Variants in ZNF536 observed in about 807,000 individuals in gnomAD.
ZNF536 encodes the protein zinc finger protein 536.
Under a neutral mutation model 84.5 loss-of-function variants are expected in ZNF536, and 13 were observed. That is an observed-to-expected ratio of 0.15 (90% confidence interval 0.10 to 0.24). The LOEUF (loss-of-function observed/expected upper bound fraction) is 0.24, where lower values mean the gene tolerates loss of function less well. Ranked by LOEUF, ZNF536 falls within the 10% of genes least tolerant of loss-of-function variation. The pLI, the probability that ZNF536 is intolerant of heterozygous loss-of-function variation, is 1.00. For missense variants in ZNF536, 1,536 were observed against 1,747.5 expected (o/e 0.88, Z 2.16); for synonymous variants, 811 against 742.5 (o/e 1.09, Z -1.50).
intron 1 of ZNF536, among the ~76,000 whole-genome samples, chr19:30,611,202 C>A (rs1336953562): frequency 1.2e-4 from 19 of 152,152 alleles, no homozygotes; most frequent in Non-Finnish European, 1.5e-5. Flanking sequence ...GGCATCTATC[C>A]TCCAAGATGA....
chr19:30,376,378 A>G (rs2048818896), intron 1 of ZNF536, among the ~76,000 whole-genome samples: 1 of 152,128 alleles, frequency 6.6e-6, no homozygotes. Flanking sequence ...TGACCTGAGC[A>G]TAGAGGTGCC....
At chr19:30,520,900 AAC>A (rs985318624) in intron 2 of ZNF536, among the ~76,000 whole-genome samples, 7 of 152,190 alleles carry the variant, frequency 4.6e-5, no homozygotes, top group Non-Finnish European at 8.8e-5. Context: ...GGCATTTACA[AAC>A]ACACAGCTCG....
intron 2 of ZNF536, among the ~76,000 whole-genome samples, chr19:30,506,455 G>A (rs933461868): frequency 2.6e-5 from 4 of 152,202 alleles, no homozygotes; most frequent in Admixed American, 1.3e-4. Context: ...ACTCAGCTGC[G>A]CTGTTTGAAT....
intron 2 of ZNF536, among the ~76,000 whole-genome samples, chr19:30,531,732 C>G (rs2044832729): frequency 6.6e-6 from 1 of 152,088 alleles, no homozygotes; most frequent in African/African-American, 2.4e-5. Context: ...TCAAGCAATT[C>G]TTGTGCCTCA....
chr19:30,676,117 A>C (rs570350993), intron 1 of ZNF536, among the ~76,000 whole-genome samples: 2 of 152,100 alleles, frequency 1.3e-5, no homozygotes, highest in Non-Finnish European at 2.9e-5. Context: ...CTTCTCCCAA[A>C]GTATTGGGAT....
intron 1 of ZNF536, among the ~76,000 whole-genome samples, chr19:30,276,646 T>A (rs567408336): frequency 6.6e-6 from 1 of 152,346 alleles, no homozygotes; most frequent in South Asian, 2.1e-4. Flanking sequence ...TGTGGGTTGT[T>A]TGAATACCAT....
rs780129171 is a variant in ZNF536 at position 30,548,174 on chromosome 19, G to A, written c.2555G>A (p.Gly852Glu). The change falls in exon 4 of 5, where the codon GGA becomes GAA. Residue 852 changes from glycine (G) to glutamate (E), a missense_variant. Gly to Glu is a moderately conservative substitution (Grantham distance 98, BLOSUM62 -2). This residue lies in a region of ZNF536 where 624 missense variants were observed against 603.1 expected (regional missense o/e 1.03). Coordinates refer to ENST00000355537, the MANE Select transcript of ZNF536 (RefSeq NM_014717.3). Reference sequence around the variant, plus strand: ...GGTCTCCCTGGAATCGACTTCAGAGGAGGCCCTGCATCTCAGCAGTGGACA... The same window carrying A: ...GGTCTCCCTGGAATCGACTTCAGAGAAGGCCCTGCATCTCAGCAGTGGACA... ...FKGLPGIDFR[G>E]GPASQQWTSG... 1 of 1,614,196 alleles carries A rather than the reference G, an allele frequency of 6.2e-7. No individual in the cohort carries two copies. Among genetic ancestry groups the A allele is most frequent in the South Asian group, 1.1e-5 (1 of 91,088 alleles).
intron 1 of ZNF536, among the ~76,000 whole-genome samples, chr19:30,442,847 T>C (rs1472749780): frequency 6.6e-6 from 1 of 152,228 alleles, no homozygotes; most frequent in Admixed American, 6.5e-5. Flanking sequence ...ATGATTATAA[T>C]CATGTGTTAC....
At chr19:30,664,828 T>C (rs944056391) in intron 1 of ZNF536, among the ~76,000 whole-genome samples, 2 of 152,182 alleles carry the variant, frequency 1.3e-5, no homozygotes, top group Non-Finnish European at 1.5e-5. Flanking sequence ...CTCTGGACCC[T>C]TCCCGGCTGG....
intron 1 of ZNF536, among the ~76,000 whole-genome samples, chr19:30,426,024 AGTG>A (rs1004556858): frequency 1.5e-4 from 23 of 152,190 alleles, no homozygotes; most frequent in African/African-American, 5.5e-4. Context: ...CCAGCAGAGC[AGTG>A]GTGGGTCGGG....
intron 1 of ZNF536, among the ~76,000 whole-genome samples, chr19:30,580,504 G>T (rs1406296324): frequency 1.3e-5 from 2 of 152,170 alleles, no homozygotes; most frequent in African/African-American, 4.8e-5. Flanking sequence ...CAGGGGCTCT[G>T]TCTGTGGAGT....
intron 1 of ZNF536, among the ~76,000 whole-genome samples, chr19:30,591,357 G>A (rs182274174): frequency 1.4e-4 from 22 of 152,240 alleles, no homozygotes; most frequent in Admixed American, 1.3e-3. Context: ...AGGTTTAATG[G>A]ACTCACAGTT....
Position 30,490,350 on chromosome 19 carries a change from A to G in ZNF536, c.2171-44497A>G, listed in dbSNP as rs570567696. Among the ~76,000 whole-genome samples the G allele has an allele frequency of 2.0e-5, 3 of 152,320 alleles. No homozygotes were observed. The East Asian group carries it at 5.8e-4, about 29-fold the overall frequency. Reference sequence around the variant, plus strand: ...GATGAAAGAGTCATACATATTCAAAATGAACATTTTAGAATATATAGACCC... The same window carrying G: ...GATGAAAGAGTCATACATATTCAAAGTGAACATTTTAGAATATATAGACCC... On this transcript the variant is annotated intron_variant, in intron 2 of 4. Coordinates refer to ENST00000355537, the MANE Select transcript of ZNF536 (RefSeq NM_014717.3).
intron 1 of ZNF536, among the ~76,000 whole-genome samples, chr19:30,636,666 C>T (rs149669961): frequency 4.6e-5 from 7 of 152,296 alleles, no homozygotes; most frequent in African/African-American, 7.2e-5. Context: ...TCTGGAATAA[C>T]GCAGGGTCTT....
chr19:30,253,055 C>G (rs1256440640), intron 1 of ZNF536, among the ~76,000 whole-genome samples: 1 of 152,106 alleles, frequency 6.6e-6, no homozygotes, highest in Non-Finnish European at 1.5e-5. Flanking sequence ...AAGTGGGCAC[C>G]CACAATGCTC....
At chr19:30,707,240 G>T (rs1382540239) in intron 1 of ZNF536, among the ~76,000 whole-genome samples, 1 of 152,174 alleles carries the variant, frequency 6.6e-6, no homozygotes, top group South Asian at 2.1e-4. Context: ...GAGAATGGGT[G>T]TGGCTTTGCC....
chr19:30,704,782 T>G (rs2052154555), intron 1 of ZNF536, among the ~76,000 whole-genome samples: 1 of 152,094 alleles, frequency 6.6e-6, no homozygotes, highest in Admixed American at 6.5e-5. Flanking sequence ...GAGATCTGAC[T>G]TCTTCCAAAC....
At chr19:30,623,818 T>G (rs1205183192) in intron 1 of ZNF536, among the ~76,000 whole-genome samples, 1 of 152,198 alleles carries the variant, frequency 6.6e-6, no homozygotes, top group Non-Finnish European at 1.5e-5. Context: ...TTATCTGTTT[T>G]GTTTGATAGT....
rs149314657 is a variant in ZNF536, at chr19:30,403,907, G to A, written c.-3+31351G>A. Among the ~76,000 whole-genome samples the A allele has an allele frequency of 2.2e-4, 34 of 152,192 alleles. No homozygotes were observed. The East Asian group carries it at 3.5e-3, about 16-fold the overall frequency. On this transcript the variant is annotated intron_variant, in intron 1 of 4. Coordinates refer to ENST00000355537, the MANE Select transcript of ZNF536 (RefSeq NM_014717.3). The stretch of plus-strand genomic sequence containing the variant: ...TCTCAGTGAACATCTGGTGATGACC[G>A]TAAATGTAATCTCCACTTGGCCGAA...
Sources: allele counts gnomAD v4.1 joint callset (sites outside exome capture counted in the v4.1 genomes callset), GRCh38; gene constraint gnomAD v4.1.1; regional missense constraint gnomAD v4.1.1; transcripts MANE v1.5; gene names NCBI Gene and HGNC (gene_info 2026-07-23, HGNC 2026-07-21).